Variants in TRRAP observed in about 807,000 individuals in gnomAD.
TRRAP encodes the protein transformation/transcription domain-associated protein.
A neutral mutation model predicts 438.8 loss-of-function variants in TRRAP; 41 were observed. The observed-to-expected ratio is 0.09, with a 90% CI of 0.07 to 0.12. The LOEUF (loss-of-function observed/expected upper bound fraction) is 0.12, where lower values mean the gene tolerates loss of function less well. Among genes scored for constraint, TRRAP ranks in the 10% least tolerant of loss-of-function variants. TRRAP has a pLI of 1.00. For synonymous variants in TRRAP, 1,994 were observed against 1,962.9 expected (o/e 1.02, Z -0.42); for missense variants, 3,122 against 5,055.1 (o/e 0.62, Z 11.60).
At position 98,895,852 on chromosome 7, in the gene TRRAP, A is replaced by G. The variant is rs370657854; in HGVS notation, c.507+32A>G. ...TTTTACTTTGGTTTTAATTAGTTAC[A>G]TTTGTTTATACTTCCTTATTCCAAA... On this transcript the variant is annotated intron_variant, in intron 7 of 72. Coordinates refer to ENST00000456197, the MANE Select transcript of TRRAP (RefSeq NM_001375524.1). The G allele has an allele frequency of 5.8e-6, 9 of 1,539,744 alleles. No homozygotes were observed. In the Admixed American group the frequency reaches 9.3e-5, roughly 16 times the overall value.
intron 10 of TRRAP, among the ~76,000 whole-genome samples, chr7:98,900,122 C>T (rs1796408783): frequency 1.3e-5 from 2 of 151,912 alleles, no homozygotes; most frequent in Admixed American, 1.3e-4. Context: ...CCTCAGTTCC[C>T]CATCAGCCTT....
chr7:98,927,450 G>A (rs1790103937), intron 23 of TRRAP, 84 bp downstream of exon 23: 6 of 1,496,300 alleles, frequency 4.0e-6, no homozygotes, highest in Non-Finnish European at 5.4e-6. Flanking sequence ...ACATTTTGTT[G>A]TTCTAGAAAA....
intron 13 of TRRAP, among the ~76,000 whole-genome samples, 153 bp downstream of exon 13, chr7:98,906,408 T>C (rs1796734851): frequency 3.7e-5 from 1 of 26,702 alleles, no homozygotes; most frequent in Non-Finnish European, 1.7e-4. Context: ...TTTGTTTTAT[T>C]TATTTATTTA....
At chr7:98,923,933 A>G (rs1789919240) in intron 21 of TRRAP, among the ~76,000 whole-genome samples, 1 of 152,226 alleles carries the variant, frequency 6.6e-6, no homozygotes, top group Non-Finnish European at 1.5e-5. Flanking sequence ...AGTCAACCCC[A>G]TGAGAATGAA....
At position 98,976,248 on chromosome 7, in the gene TRRAP, C is replaced by T. The variant is rs1476538000; in HGVS notation, c.7939C>T (p.Leu2647Phe). ...VQLFPRLWKI[L>F]SDRQQHALAG... is the part of the protein sequence containing the mutation. ...GCTTTTCCCCAGATTGTGGAAGATC[C>T]TCTCTGACAGACAGCAGCATGTGAG... Residue 2647 changes from leucine to phenylalanine, a missense_variant, in exon 54 of 73, where the codon CTC (leucine) becomes TTC (phenylalanine). Around this residue, in one of 24 missense-constraint regions of TRRAP, gnomAD observed 992 missense variants for 1,281.2 expected, o/e 0.77. Transcript: ENST00000456197. This position sits in a 1 kb window ranked among gnomAD's most constrained non-coding sequence, Gnocchi z 4.6. 1 of 1,614,224 alleles carries T rather than the reference C, an allele frequency of 6.2e-7. No homozygotes were observed.
At chr7:98,898,375 T>G (rs1796319651) in intron 8 of TRRAP, among the ~76,000 whole-genome samples, 1 of 152,220 alleles carries the variant, frequency 6.6e-6, no homozygotes, top group African/African-American at 2.4e-5. Context: ...GCTGGCATGG[T>G]CCGCAGGTAA....
In TRRAP at chr7:98,971,781, T is replaced by C; in HGVS notation, c.7693-18T>C. 1 of 1,610,070 alleles carries C rather than the reference T, an allele frequency of 6.2e-7. No homozygotes were observed. Among genetic ancestry groups the C allele is most frequent in the Non-Finnish European group, 8.5e-7 (1 of 1,178,418 alleles). ...AAGCCTTTGACCTTTTGGTTTTGCT[T>C]GCTGCTTTGTTTCTTAGGATGTAGA... is the stretch of plus-strand genomic sequence containing the variant. On this transcript the variant is annotated intron_variant, in intron 52 of 72. Transcript: ENST00000456197.
chr7:98,925,406 G>C (rs1315004041), intron 22 of TRRAP, 143 bp downstream of exon 22: 2 of 1,213,768 alleles, frequency 1.6e-6, no homozygotes, highest in Non-Finnish European at 2.3e-6. Flanking sequence ...ACTCCTTCTT[G>C]TTGGGGCCTT....
rs1562947559 is a variant in TRRAP, at chr7:98,931,630, A to G, written c.3817A>G (p.Lys1273Glu). ...SLQVLAQVTGKSVTVIMEPHK... is the reference protein window; with the variant it reads ...SLQVLAQVTGESVTVIMEPHK... The stretch of plus-strand genomic sequence containing the variant: ...GCAGGTGTTGGCCCAGGTCACTGGG[A>G]AGAGTGTCACGGTGATCATGGAACC... The change falls in exon 26 of 73, where the codon AAG becomes GAG. Residue 1273 changes from lysine to glutamate, a missense_variant. Around this residue, in one of 24 missense-constraint regions of TRRAP, gnomAD observed 153 missense variants for 223.0 expected, o/e 0.69. Transcript: ENST00000456197. 1 of 1,614,226 alleles carries G rather than the reference A, an allele frequency of 6.2e-7. No homozygotes were observed. The highest frequency in any genetic ancestry group is 2.2e-5 in the East Asian group (1 of 44,878).
At position 98,930,203 on chromosome 7, in the gene TRRAP, G is replaced by C. The variant is rs1286804992; in HGVS notation, c.3390G>C (p.Glu1130Asp). 1 of 1,614,066 alleles carries C rather than the reference G, an allele frequency of 6.2e-7. No homozygotes were observed. The highest frequency in any genetic ancestry group is 8.5e-7 in the Non-Finnish European group (1 of 1,180,032). ...CAAGTATCATCCTGGGCTCCAAGGA[G>C]AGGGTAAGGAAGGGTTGAGGAGTGT... The part of the protein sequence containing the change: ...DVASIILGSK[E>D]RACQLPLFSY... Residue 1130 changes from glutamate to aspartate, a missense_variant, in exon 24 of 73, where the codon GAG (glutamate) becomes GAC (aspartate). This residue lies in a region of TRRAP where 153 missense variants were observed against 223.0 expected (regional missense o/e 0.69). Coordinates refer to ENST00000456197, the MANE Select transcript of TRRAP (RefSeq NM_001375524.1).
chr7:98,998,417 C>T (rs1241674525), intron 67 of TRRAP: 1 of 153,426 alleles, frequency 6.5e-6, no homozygotes, highest in African/African-American at 2.4e-5. Flanking sequence ...TCTTCCATCT[C>T]TTCTACACAG....
intron 69 of TRRAP, among the ~76,000 whole-genome samples, chr7:99,007,281 C>G (rs113197015): frequency 6.6e-6 from 1 of 152,162 alleles, no homozygotes; most frequent in South Asian, 2.1e-4. Context: ...GCAGGAAGGC[C>G]GGACTCTTCC....
At chr7:98,966,258 A>G (rs1252461555) in intron 49 of TRRAP, among the ~76,000 whole-genome samples, 1 of 152,018 alleles carries the variant, frequency 6.6e-6, no homozygotes, top group African/African-American at 2.4e-5. Context: ...GTGAGCTGAG[A>G]TCACGCCATT....
chr7:98,889,994 C>G (rs1554404586), intron 3 of TRRAP, among the ~76,000 whole-genome samples: 3 of 152,098 alleles, frequency 2.0e-5, no homozygotes, highest in African/African-American at 7.2e-5. Flanking sequence ...TCTTTGTTTT[C>G]CAGATCAAGA....
Position 98,910,217 on chromosome 7 carries a change from T to TCCCCC in TRRAP, c.1512_1513insCCCCC (p.Ala505ProfsTer17). 1 of 1,045,584 alleles carries TCCCCC rather than the reference T, an allele frequency of 9.6e-7. No individual in the cohort carries two copies. The highest frequency in any genetic ancestry group is 1.2e-6 in the Non-Finnish European group (1 of 806,028). The allele number at this position is 1,045,584 out of a possible 1,614,324, so 64.8% of individuals were successfully genotyped here. On this transcript the variant is annotated frameshift_variant, in exon 15 of 73. Transcript: ENST00000456197. LOFTEE classifies it high-confidence loss of function. Reference sequence around the variant, plus strand: ...CTGCTCCCTCCCCAGCCCCTGTCCCTGCCCCACCTCCACCCCCGCCCCCAC... The same window carrying TCCCCC: ...CTGCTCCCTCCCCAGCCCCTGTCCCTCCCCCGCCCCACCTCCACCCCCGCCCCCAC...
intron 30 of TRRAP, among the ~76,000 whole-genome samples, chr7:98,939,345 A>G (rs1434512185): frequency 2.0e-5 from 3 of 152,172 alleles, no homozygotes; most frequent in Non-Finnish European, 2.9e-5. Flanking sequence ...GATACAGTGT[A>G]TCACAGTGCA....
chr7:98,984,949 T>C lies in TRRAP; in HGVS notation c.9294T>C (p.Leu3098=). The C allele has an allele frequency of 6.2e-7, 1 of 1,609,380 alleles. No homozygotes were observed. The highest frequency in any genetic ancestry group is 8.5e-7 in the Non-Finnish European group (1 of 1,177,358). ...VMGKNECMQG[L]EVIESTNLKY... is the part of the protein sequence containing the mutation. ...TGCTCATTTTTTTTGAACAGGGCCT[T>C]GAAGTTATTGAATCTACAAATTTAA... The change falls in exon 62 of 73, where the codon CTT becomes CTC. Residue 3098 remains leucine (L), a synonymous_variant. Transcript: ENST00000456197.
At chr7:98,946,476 T>A (rs1791067093) in intron 33 of TRRAP, among the ~76,000 whole-genome samples, 1 of 147,948 alleles carries the variant, frequency 6.8e-6, no homozygotes, top group Non-Finnish European at 1.5e-5. Flanking sequence ...AGACCACACG[T>A]GCACTCACAC....
intron 9 of TRRAP, 38 bp from the exon 10 acceptor site, chr7:98,899,641 A>G: frequency 6.2e-7 from 1 of 1,612,066 alleles, no homozygotes; most frequent in East Asian, 2.2e-5. Flanking sequence ...GCCATAGCAG[A>G]GTGTCAATGT....
Sources: gnomAD v4.1 joint callset for allele counts (sites outside exome capture counted in the v4.1 genomes callset) on GRCh38, gnomAD v4.1.1 for gene constraint, gnomAD v4.1.1 regional missense constraint, Gnocchi (gnomAD v3.1) non-coding constraint, MANE v1.5 for transcripts, NCBI Gene and HGNC (gene_info 2026-07-23, HGNC 2026-07-21) for gene names.